CTNNA3: variants seen among roughly 807,000 people sequenced by gnomAD.
The protein encoded by CTNNA3 is catenin alpha 3.
In CTNNA3, 76 loss-of-function variants were observed where a neutral mutation model predicts 95.7. The ratio of observed to expected loss-of-function variants is 0.79; its 90% CI spans 0.66 to 0.96. The LOEUF (loss-of-function observed/expected upper bound fraction) is 0.96, where lower values mean the gene tolerates loss of function less well. CTNNA3 is among the 40% of genes least tolerant of loss of function. CTNNA3 has a pLI of 0.00. For missense variants in CTNNA3, 1,191 were observed against 1,089.8 expected, an observed-to-expected ratio of 1.09 and a Z score of -1.31; for synonymous variants, 431 against 374.4, an observed-to-expected ratio of 1.15 and a Z score of -1.74.
At chr10:67,591,918 C>G (rs1842799620) in intron 3 of CTNNA3, among the ~76,000 whole-genome samples, 1 of 149,686 alleles carries the variant, frequency 6.7e-6, no homozygotes, top group Non-Finnish European at 1.5e-5. Flanking sequence ...AGACAAATTC[C>G]TCTGCAGACA....
chr10:66,318,261 G>GAGAT (rs71466861), intron 12 of CTNNA3, among the ~76,000 whole-genome samples: 2 of 137,454 alleles, frequency 1.5e-5, no homozygotes, highest in Non-Finnish European at 3.1e-5. Context: ...GTTGCTGGGA[G>GAGAT]ATATATATAT....
chr10:67,465,333 T>C (rs1318442614), intron 5 of CTNNA3, among the ~76,000 whole-genome samples: 1 of 152,078 alleles, frequency 6.6e-6, no homozygotes, highest in Non-Finnish European at 1.5e-5. Context: ...AATACTCTCA[T>C]GCAATAGAAA....
At chr10:67,555,425 T>C (rs1419419037) in intron 3 of CTNNA3, among the ~76,000 whole-genome samples, 2 of 152,210 alleles carry the variant, frequency 1.3e-5, no homozygotes, top group East Asian at 3.8e-4. Flanking sequence ...CCTCTTTTAT[T>C]TCGTTGAGCA....
At chr10:66,022,947 A>T (rs2079252484) in intron 15 of CTNNA3, among the ~76,000 whole-genome samples, 1 of 152,328 alleles carries the variant, frequency 6.6e-6, no homozygotes. Context: ...TCCCTAAAAT[A>T]ATCAGTTGCT....
At chr10:66,901,815 CAAG>C (rs1393325056) in intron 7 of CTNNA3, among the ~76,000 whole-genome samples, 1 of 152,172 alleles carries the variant, frequency 6.6e-6, no homozygotes, top group Non-Finnish European at 1.5e-5. Context: ...ATCAATTCAA[CAAG>C]AAGAGCTAAC....
intron 14 of CTNNA3, among the ~76,000 whole-genome samples, chr10:66,088,529 GTGTA>G (rs1367383534): frequency 2.2e-5 from 3 of 136,948 alleles, no homozygotes; most frequent in Non-Finnish European, 4.8e-5. Flanking sequence ...GTGTGTGTGT[GTGTA>G]TACTGAGTGG....
chr10:67,727,084 G>A (rs1478763718), intron 1 of CTNNA3, among the ~76,000 whole-genome samples: 1 of 103,182 alleles, frequency 9.7e-6, no homozygotes, highest in Non-Finnish European at 1.8e-5. Context: ...ATACATATAT[G>A]ATATAATTAT....
intron 7 of CTNNA3, among the ~76,000 whole-genome samples, chr10:66,944,662 T>C (rs1416586164): frequency 6.6e-6 from 1 of 152,156 alleles, no homozygotes; most frequent in Non-Finnish European, 1.5e-5. Flanking sequence ...CCAATTTACT[T>C]TGCCCAGATC....
intron 7 of CTNNA3, among the ~76,000 whole-genome samples, chr10:66,925,118 C>A (rs1213585693): frequency 1.3e-5 from 2 of 152,116 alleles, no homozygotes; most frequent in African/African-American, 4.8e-5. Context: ...TGTTGTTGAA[C>A]AGGATCATCT....
chr10:67,302,830 G>C (rs1400659700), intron 5 of CTNNA3, among the ~76,000 whole-genome samples: 1 of 152,042 alleles, frequency 6.6e-6, no homozygotes, highest in Non-Finnish European at 1.5e-5. Flanking sequence ...TACTAGGCAG[G>C]GTGCCAGCAT....
chr10:66,578,986 T>G (rs1387666705), intron 10 of CTNNA3, among the ~76,000 whole-genome samples: 1 of 150,820 alleles, frequency 6.6e-6, no homozygotes, highest in Non-Finnish European at 1.5e-5. Context: ...TTTTTTTGGT[T>G]GGTAGGCTTT....
At chr10:67,219,424 G>T (rs1864542942) in intron 6 of CTNNA3, among the ~76,000 whole-genome samples, 183 bp downstream of exon 6, 5 of 152,154 alleles carry the variant, frequency 3.3e-5, no homozygotes, top group Admixed American at 3.3e-4. Context: ...GGAGTCAGAA[G>T]TTTACTAACA....
intron 6 of CTNNA3, among the ~76,000 whole-genome samples, chr10:67,198,808 A>T (rs7907339): frequency 0.39 from 58,650 of 152,106 alleles, 15,990 homozygotes; most frequent in African/African-American, 0.78. Context: ...AATGACATAC[A>T]CAAAAGTTGG....
intron 5 of CTNNA3, among the ~76,000 whole-genome samples, chr10:67,361,725 A>T (rs1261073093): frequency 6.6e-6 from 1 of 152,154 alleles, no homozygotes; most frequent in East Asian, 1.9e-4. Context: ...TAGAAAAAAC[A>T]AGAAGAAACT....
chr10:67,348,650 C>T (rs1842526036), intron 5 of CTNNA3, among the ~76,000 whole-genome samples: 1 of 152,026 alleles, frequency 6.6e-6, no homozygotes, highest in Middle Eastern at 3.2e-3. Flanking sequence ...CCAGATCGCA[C>T]ATGAATTCAC....
intron 10 of CTNNA3, among the ~76,000 whole-genome samples, chr10:66,604,341 G>A (rs559658301): frequency 6.6e-6 from 1 of 152,244 alleles, no homozygotes; most frequent in African/African-American, 2.4e-5. Context: ...TTCGCCAGCA[G>A]GGGCCCCCCG....
rs2087927462 is a variant in CTNNA3, at chr10:66,208,759, C to T, written c.1884+71711G>A. 2.6e-5 allele frequency among the ~76,000 whole-genome samples: 4 copies of T among 152,038 alleles called. No homozygotes were observed. In the South Asian group the frequency reaches 8.3e-4, roughly 32 times the overall value. ...ATATATAATTAAACATGACGACCAC[C>T]ACCAGCCCTCAGCCCTCAGCCGCAG... On this transcript the variant is annotated intron_variant, in intron 13 of 17. Transcript: ENST00000433211.
chr10:66,784,172 T>C (rs1211700665), intron 7 of CTNNA3, among the ~76,000 whole-genome samples: 7 of 152,184 alleles, frequency 4.6e-5, no homozygotes, highest in Non-Finnish European at 7.3e-5. Flanking sequence ...ATATTTTCTA[T>C]CATTTCTTTC....
At chr10:65,954,311 A>C (rs1031850573) in intron 17 of CTNNA3, among the ~76,000 whole-genome samples, 1 of 152,174 alleles carries the variant, frequency 6.6e-6, no homozygotes, top group African/African-American at 2.4e-5. Context: ...GGTAGATTGC[A>C]AAAATTTTCT....
Sources: gnomAD v4.1 joint callset for allele counts (sites outside exome capture counted in the v4.1 genomes callset) on GRCh38, gnomAD v4.1.1 for gene constraint, MANE v1.5 for transcripts, NCBI Gene and HGNC (gene_info 2026-07-23, HGNC 2026-07-21) for gene names.